The following LRRTM4 variants were observed in gnomAD, a reference collection of about 807,000 sequenced individuals.
LRRTM4 encodes leucine-rich repeat transmembrane neuronal protein 4.
Under a neutral mutation model 47.6 loss-of-function variants are expected in LRRTM4, and 25 were observed. The ratio of observed to expected loss-of-function variants is 0.53; its 90% CI spans 0.38 to 0.73. The LOEUF (loss-of-function observed/expected upper bound fraction) is 0.73. Ranked by LOEUF, LRRTM4 falls within the 30% of genes least tolerant of loss-of-function variation. The pLI, the probability that LRRTM4 is intolerant of heterozygous loss-of-function variation, is 0.00. For missense variants in LRRTM4, 638 were observed against 713.4 expected (o/e 0.89, Z 1.20); for synonymous variants, 311 against 269.5 (o/e 1.15, Z -1.51).
intron 3 of LRRTM4, among the ~76,000 whole-genome samples, chr2:77,064,813 G>A (rs1679901745): frequency 6.6e-6 from 1 of 151,912 alleles, no homozygotes; most frequent in Admixed American, 6.6e-5. Context: ...ATGCTATCTG[G>A]GCCGTGCTTT....
At chr2:77,100,216 A>G (rs116019776) in intron 3 of LRRTM4, among the ~76,000 whole-genome samples, 1 of 152,292 alleles carries the variant, frequency 6.6e-6, no homozygotes, top group African/African-American at 2.4e-5. Context: ...AATTTAAACC[A>G]ACTTGGGTTG....
chr2:77,136,851 C>A (rs10164763), intron 3 of LRRTM4, among the ~76,000 whole-genome samples: 3 of 151,496 alleles, frequency 2.0e-5, no homozygotes, highest in East Asian at 1.9e-4. Flanking sequence ...GTAGCCGATT[C>A]GATCAACTGG....
intron 3 of LRRTM4, among the ~76,000 whole-genome samples, chr2:76,932,432 G>A (rs1387642241): frequency 1.3e-5 from 2 of 151,890 alleles, no homozygotes; most frequent in African/African-American, 4.8e-5. Context: ...TATAATAAAG[G>A]CATTCCCCTA....
chr2:77,416,284 T>C (rs1674631209), intron 3 of LRRTM4, among the ~76,000 whole-genome samples: 1 of 152,120 alleles, frequency 6.6e-6, no homozygotes, highest in East Asian at 1.9e-4. Flanking sequence ...GAGGTGATTT[T>C]GTAGGCTCAT....
chr2:77,356,306 T>C (rs1328655270), intron 3 of LRRTM4, among the ~76,000 whole-genome samples: 2 of 152,178 alleles, frequency 1.3e-5, no homozygotes, highest in African/African-American at 4.8e-5. Context: ...ATTCCAGAAG[T>C]AACCCAGGCT....
chr2:76,819,631 A>C (rs755103361), intron 3 of LRRTM4, among the ~76,000 whole-genome samples: 3 of 151,936 alleles, frequency 2.0e-5, no homozygotes, highest in Admixed American at 2.0e-4. Context: ...ACTTTGCCAC[A>C]CACAACAGTA....
intron 3 of LRRTM4, among the ~76,000 whole-genome samples, chr2:76,932,731 C>T (rs1237395168): frequency 2.6e-5 from 4 of 152,092 alleles, no homozygotes; most frequent in African/African-American, 9.6e-5. Context: ...CATAGACACA[C>T]ATGTGTTCTC....
At chr2:76,947,123 G>C (rs1231531193) in intron 3 of LRRTM4, among the ~76,000 whole-genome samples, 1 of 151,902 alleles carries the variant, frequency 6.6e-6, no homozygotes, top group African/African-American at 2.4e-5. Flanking sequence ...CTCTTAAAAT[G>C]TTAAGTGCCC....
intron 3 of LRRTM4, among the ~76,000 whole-genome samples, chr2:76,916,515 T>C (rs1674257351): frequency 6.6e-6 from 1 of 151,124 alleles, no homozygotes; most frequent in Non-Finnish European, 1.5e-5. Flanking sequence ...ATCCCCAAAA[T>C]ACTTGAAAGG....
intron 3 of LRRTM4, among the ~76,000 whole-genome samples, chr2:76,864,697 A>T (rs1478627473): frequency 6.6e-6 from 1 of 150,604 alleles, no homozygotes. Flanking sequence ...TTAGCATCAG[A>T]TGGTTCTTAG....
chr2:77,272,315 T>C (rs769598627), intron 3 of LRRTM4, among the ~76,000 whole-genome samples: 1 of 152,148 alleles, frequency 6.6e-6, no homozygotes, highest in East Asian at 1.9e-4. Flanking sequence ...AAAGATGTTA[T>C]GGTTCAAAGA....
intron 3 of LRRTM4, among the ~76,000 whole-genome samples, chr2:77,056,104 T>C (rs1679597511): frequency 6.7e-6 from 1 of 150,230 alleles, no homozygotes; most frequent in South Asian, 2.1e-4. Flanking sequence ...GACGAGTTAA[T>C]GGGTGCAGCA....
chr2:77,381,620 A>T (rs912335296), intron 3 of LRRTM4, among the ~76,000 whole-genome samples: 1 of 152,094 alleles, frequency 6.6e-6, no homozygotes, highest in Admixed American at 6.6e-5. Context: ...TGAAGATTTT[A>T]AAAAGTATTA....
intron 3 of LRRTM4, among the ~76,000 whole-genome samples, chr2:77,447,094 C>T (rs1676081519): frequency 6.6e-6 from 1 of 151,946 alleles, no homozygotes; most frequent in African/African-American, 2.4e-5. Flanking sequence ...ATTGCATATA[C>T]AATGTGAATG....
At chr2:77,414,562 C>A (rs1176133595) in intron 3 of LRRTM4, among the ~76,000 whole-genome samples, 1 of 152,158 alleles carries the variant, frequency 6.6e-6, no homozygotes, top group Non-Finnish European at 1.5e-5. Context: ...CTACCAGCAA[C>A]AGAAGCAATT....
Position 77,337,341 on chromosome 2 carries a change from G to T in LRRTM4, c.1551+180977C>A, listed in dbSNP as rs114111269. On this transcript the variant is annotated intron_variant, in intron 3 of 3. Coordinates refer to ENST00000409884, the MANE Select transcript of LRRTM4 (RefSeq NM_001134745.3). ...ACGCTATTCCTTTCAAATTATCAAT[G>T]TCATTTTTTAACAGAATTAGAATAA... 6.1e-3 allele frequency among the ~76,000 whole-genome samples: 927 copies of T among 152,102 alleles called. 8 individuals carry two copies. The highest frequency in any genetic ancestry group is 0.021 in the African/African-American group (887 of 41,504).
intron 3 of LRRTM4, among the ~76,000 whole-genome samples, chr2:77,348,833 A>G (rs1446974640): frequency 6.6e-5 from 10 of 151,334 alleles, no homozygotes; most frequent in African/African-American, 2.4e-4. Flanking sequence ...ACATGAGTGC[A>G]AAAGTGGTTA....
chr2:76,939,964 ATTCTT>A (rs1675079645), intron 3 of LRRTM4, among the ~76,000 whole-genome samples: 1 of 152,226 alleles, frequency 6.6e-6, no homozygotes, highest in South Asian at 2.1e-4. Flanking sequence ...TGGTTCAAAT[ATTCTT>A]TTCTTTTATT....
At chr2:77,053,366 G>A (rs1679502066) in intron 3 of LRRTM4, among the ~76,000 whole-genome samples, 1 of 151,890 alleles carries the variant, frequency 6.6e-6, no homozygotes, top group East Asian at 1.9e-4. Context: ...AAAAGTGGAG[G>A]AATTAAGGTT....
Sources: allele counts gnomAD v4.1 joint callset (sites outside exome capture counted in the v4.1 genomes callset), GRCh38; gene constraint gnomAD v4.1.1; transcripts MANE v1.5; gene names NCBI Gene and HGNC (gene_info 2026-07-23, HGNC 2026-07-21).